The following LRCH1 variants were observed in gnomAD, a reference collection of about 807,000 sequenced individuals.
LRCH1 encodes leucine rich repeats and calponin homology domain containing 1, also known as leucine-rich repeat and calponin homology domain-containing protein 1.
LRCH1 carries 23 observed loss-of-function variants against 94.9 expected under a neutral mutation model. The ratio of observed to expected loss-of-function variants is 0.24; its 90% CI spans 0.17 to 0.34. The LOEUF is 0.34. Ranked by LOEUF, LRCH1 falls within the 10% of genes least tolerant of loss-of-function variation. The pLI is 1.00. For missense variants in LRCH1, 790 were observed against 945.9 expected, an observed-to-expected ratio of 0.84 and a Z score of 2.16; for synonymous variants, 364 against 354.9, an observed-to-expected ratio of 1.03 and a Z score of -0.29.
intron 1 of LRCH1, among the ~76,000 whole-genome samples, chr13:46,647,576 A>G (rs888291184): frequency 6.6e-6 from 1 of 152,094 alleles, no homozygotes; most frequent in Non-Finnish European, 1.5e-5. Flanking sequence ...TGATTGTCAT[A>G]TATGTTTATG....
chr13:46,686,952 A>T (rs1228737649), intron 5 of LRCH1, among the ~76,000 whole-genome samples: 16 of 85,428 alleles, frequency 1.9e-4, no homozygotes, highest in Admixed American at 3.4e-4. Context: ...GAGTATATTG[A>T]TTTTTTTTTT....
rs897343350 is a variant in LRCH1, at chr13:46,553,268, C to T, written c.-129C>T. On this transcript the variant is annotated 5_prime_UTR_variant, in exon 1 of 20. Coordinates refer to ENST00000389797, the MANE Select transcript of LRCH1 (RefSeq NM_001164211.2). The stretch of plus-strand genomic sequence containing the variant: ...ATTCTACGCGCCTGCCCACACCCTC[C>T]TCCCCTCCTTCCAGCGCCTTTCGGT... 3.7e-5 allele frequency: 26 copies of T among 694,556 alleles called. No homozygotes were observed. The African/African-American group carries it at 3.8e-4, about 10-fold the overall frequency. 43.0% of individuals were successfully genotyped at this position (694,556 alleles called of 1,614,324 possible).
At chr13:46,729,074 A>T (rs947086993) in intron 18 of LRCH1, 90 bp downstream of exon 18, 124 of 1,278,586 alleles carry the variant, frequency 9.7e-5, no homozygotes, top group Non-Finnish European at 1.2e-4. Context: ...TGTCAGTAGG[A>T]GCTTGCTCAA....
chr13:46,744,159 C>G lies in LRCH1; in HGVS notation c.*2311C>G, dbSNP rs1326750023. 20 of 985,284 alleles carry G rather than the reference C, an allele frequency of 2.0e-5. No homozygotes were observed. Among genetic ancestry groups the G allele is most frequent in the Non-Finnish European group, 2.4e-5 (20 of 829,934 alleles). 61.0% of individuals were successfully genotyped at this position (985,284 alleles called of 1,614,324 possible). A position where few individuals can be genotyped will look rare whatever the true frequency, so the allele number is the denominator to read the frequency against. ...ACCCGTGCACCAGCCCATATGCTAA[C>G]TGGATGCCTGCGGATGCCTGCCCTT... On this transcript the variant is annotated 3_prime_UTR_variant, in exon 20 of 20. Transcript: ENST00000389797.
chr13:46,586,589 T>C (rs2050437999), intron 1 of LRCH1, among the ~76,000 whole-genome samples: 2 of 152,224 alleles, frequency 1.3e-5, no homozygotes, highest in African/African-American at 4.8e-5. Context: ...AACTGATTGT[T>C]GTATTTTTAG....
At chr13:46,625,631 GGTTTTTTTTTT>G (rs1265890849) in intron 1 of LRCH1, among the ~76,000 whole-genome samples, 46 of 126,266 alleles carry the variant, frequency 3.6e-4, no homozygotes, top group African/African-American at 1.3e-3. Flanking sequence ...AAATGTGTGG[GGTTTTTTTTTT>G]TTTTTTTTTT....
intron 16 of LRCH1, among the ~76,000 whole-genome samples, chr13:46,722,201 A>C (rs1872612496): frequency 6.6e-6 from 1 of 152,194 alleles, no homozygotes; most frequent in Admixed American, 6.6e-5. Flanking sequence ...TACACCATGC[A>C]GCCTTCTATG....
At chr13:46,676,166 G>A (rs1443765931) in intron 3 of LRCH1, among the ~76,000 whole-genome samples, 1 of 151,920 alleles carries the variant, frequency 6.6e-6, no homozygotes. Flanking sequence ...CAGGCTGAGG[G>A]AGGAGAATCG....
intron 1 of LRCH1, among the ~76,000 whole-genome samples, chr13:46,608,933 G>A (rs4942557): frequency 0.84 from 127,302 of 152,192 alleles, 53,771 homozygotes; most frequent in African/African-American, 0.95. Flanking sequence ...TCTGTTAGGA[G>A]CTTGCTTTTC....
intron 18 of LRCH1, among the ~76,000 whole-genome samples, chr13:46,731,015 T>C (rs1264587599): frequency 6.6e-6 from 1 of 151,732 alleles, no homozygotes. Flanking sequence ...GAGTGACTGG[T>C]GAAAAAAAGA....
intron 1 of LRCH1, among the ~76,000 whole-genome samples, chr13:46,597,946 A>G (rs1341918196): frequency 6.6e-6 from 1 of 152,158 alleles, no homozygotes; most frequent in Non-Finnish European, 1.5e-5. Context: ...GGCGGTGTTC[A>G]AGGCAACTTC....
chr13:46,701,078 T>G, intron 10 of LRCH1, 43 bp from the exon 11 acceptor site: 1 of 1,188,338 alleles, frequency 8.4e-7, no homozygotes, highest in Non-Finnish European at 1.2e-6. Flanking sequence ...ATATTCATGT[T>G]GTATTGATCG....
intron 1 of LRCH1, among the ~76,000 whole-genome samples, chr13:46,602,970 A>G (rs61949287): frequency 0.55 from 74,082 of 135,202 alleles, 18,821 homozygotes; most frequent in Middle Eastern, 0.64. Context: ...ATGCATACAT[A>G]CATGCATGCA....
rs142748196 is a variant in LRCH1 at position 46,569,223 on chromosome 13, A to G, written c.307+15520A>G. 5.0e-3 allele frequency among the ~76,000 whole-genome samples: 763 copies of G among 152,288 alleles called. 7 individuals are homozygous for G. The highest frequency in any genetic ancestry group is 0.017 in the African/African-American group (712 of 41,552). On this transcript the variant is annotated intron_variant, in intron 1 of 19. Transcript: ENST00000389797. ...TGGGATCACTGGAATGATGTTAGCTAATGGAGTCCAATGTTGAAAGCATTT... is the reference window on the plus strand; with the variant it reads ...TGGGATCACTGGAATGATGTTAGCTGATGGAGTCCAATGTTGAAAGCATTT...
intron 9 of LRCH1, among the ~76,000 whole-genome samples, chr13:46,695,374 A>G (rs1871129961): frequency 6.6e-6 from 1 of 152,200 alleles, no homozygotes; most frequent in Admixed American, 6.5e-5. Context: ...GAGTATATTT[A>G]TAGTGTGAAG....
intron 1 of LRCH1, among the ~76,000 whole-genome samples, chr13:46,640,881 C>T (rs183194802): frequency 7.2e-4 from 110 of 152,326 alleles, no homozygotes; most frequent in African/African-American, 2.6e-3. Flanking sequence ...TTGTTGATCA[C>T]ATTTCTGTTG....
intron 16 of LRCH1, among the ~76,000 whole-genome samples, chr13:46,722,072 A>G (rs1381353488): frequency 6.6e-6 from 1 of 152,232 alleles, no homozygotes; most frequent in Non-Finnish European, 1.5e-5. Context: ...AATCTGAAAT[A>G]TTGAAATAGC....
At chr13:46,632,640 C>A (rs897322617) in intron 1 of LRCH1, among the ~76,000 whole-genome samples, 2 of 152,146 alleles carry the variant, frequency 1.3e-5, no homozygotes, top group Non-Finnish European at 2.9e-5. Flanking sequence ...AGAGGGTAGA[C>A]TTCTGAATAT....
chr13:46,585,815 A>G (rs2050429495), intron 1 of LRCH1, among the ~76,000 whole-genome samples: 1 of 150,480 alleles, frequency 6.6e-6, no homozygotes, highest in African/African-American at 2.5e-5. Flanking sequence ...TAATTACGGT[A>G]CTAAGAAATC....
Sources: allele counts gnomAD v4.1 joint callset (sites outside exome capture counted in the v4.1 genomes callset), GRCh38; gene constraint gnomAD v4.1.1; transcripts MANE v1.5; gene names NCBI Gene and HGNC (gene_info 2026-07-23, HGNC 2026-07-21).